The following STMN2 variants were observed in gnomAD, a reference collection of about 807,000 sequenced individuals.
The protein encoded by STMN2 is stathmin 2, also known as stathmin-2.
STMN2 carries 2 observed loss-of-function variants against 24.1 expected under a neutral mutation model. That is an observed-to-expected ratio of 0.08 (90% CI 0.03 to 0.26). The LOEUF (loss-of-function observed/expected upper bound fraction) is 0.26, where lower values mean the gene tolerates loss of function less well. Among genes scored for constraint, STMN2 ranks in the 10% least tolerant of loss-of-function variants. STMN2 has a pLI of 1.00. For missense variants in STMN2, 114 were observed against 213.6 expected, an observed-to-expected ratio of 0.53 and a Z score of 2.91; for synonymous variants, 83 against 77.5, an observed-to-expected ratio of 1.07 and a Z score of -0.37.
chr8:79,624,310 C>T (rs1809592464), intron 1 of STMN2, among the ~76,000 whole-genome samples: 1 of 151,510 alleles, frequency 6.6e-6, no homozygotes, highest in African/African-American at 2.4e-5. Context: ...AAAAATTAGC[C>T]GGGTGTGGTG....
chr8:79,638,145 C>T (rs956677086), intron 2 of STMN2, among the ~76,000 whole-genome samples: 4 of 152,190 alleles, frequency 2.6e-5, no homozygotes, highest in Non-Finnish European at 5.9e-5. Context: ...AGACTAATGT[C>T]GAACTATGGG....
intron 3 of STMN2, among the ~76,000 whole-genome samples, chr8:79,652,291 C>G (rs1043547885): frequency 3.9e-5 from 6 of 152,164 alleles, no homozygotes; most frequent in African/African-American, 1.4e-4. Flanking sequence ...TGTGATAATC[C>G]AGCCTTCTTC....
At chr8:79,641,624 G>GCACA (rs1319315239) in intron 3 of STMN2, 74 bp downstream of exon 3, 39 of 476,284 alleles carry the variant, frequency 8.2e-5, no homozygotes, top group Middle Eastern at 6.5e-4. Context: ...GGGCACACAT[G>GCACA]CACGCACACA....
intron 1 of STMN2, among the ~76,000 whole-genome samples, chr8:79,623,714 G>A (rs960715692): frequency 7.9e-5 from 12 of 152,008 alleles, no homozygotes; most frequent in Admixed American, 1.3e-4. Flanking sequence ...TTATATGAAA[G>A]CACCATTACA....
At chr8:79,664,558 T>C (rs1260615358) in intron 4 of STMN2, among the ~76,000 whole-genome samples, 1 of 152,194 alleles carries the variant, frequency 6.6e-6, no homozygotes, top group Non-Finnish European at 1.5e-5. Context: ...ATCCTAATAT[T>C]CAAAACTATC....
At chr8:79,623,007 T>A (rs1260211802) in intron 1 of STMN2, among the ~76,000 whole-genome samples, 1 of 152,180 alleles carries the variant, frequency 6.6e-6, no homozygotes, top group African/African-American at 2.4e-5. Context: ...CCTGCTCTCC[T>A]GCTTCCACTT....
intron 2 of STMN2, among the ~76,000 whole-genome samples, chr8:79,640,437 A>G (rs1044393963): frequency 5.5e-5 from 7 of 127,308 alleles, no homozygotes; most frequent in African/African-American, 1.9e-4. Context: ...CAAAAATGAC[A>G]GGATTTCCCC....
chr8:79,641,498 T>C lies in STMN2; in HGVS notation c.236T>C (p.Leu79Pro). 1 of 1,614,022 alleles carries C rather than the reference T, an allele frequency of 6.2e-7. No individual in the cohort carries two copies. The highest frequency in any genetic ancestry group is 8.5e-7 in the Non-Finnish European group (1 of 1,179,982). ...RTLASPKKKD[L>P]SLEEIQKKLE... is the part of the protein sequence containing the mutation. Reference sequence around the variant, plus strand: ...TTAGCTTCTCCAAAGAAGAAAGACCTGTCCCTGGAGGAGATCCAGAAGAAA... The same window carrying C: ...TTAGCTTCTCCAAAGAAGAAAGACCCGTCCCTGGAGGAGATCCAGAAGAAA... The change falls in exon 3 of 5, where the codon CTG (leucine) becomes CCG (proline). Residue 79 changes from leucine to proline, a missense_variant. Coordinates refer to ENST00000220876, the MANE Select transcript of STMN2 (RefSeq NM_007029.4).
At chr8:79,650,661 T>G (rs1209909991) in intron 3 of STMN2, among the ~76,000 whole-genome samples, 1 of 152,226 alleles carries the variant, frequency 6.6e-6, no homozygotes, top group African/African-American at 2.4e-5. Context: ...TCTATCTGGA[T>G]GCTACACTGT....
intron 4 of STMN2, among the ~76,000 whole-genome samples, chr8:79,656,893 A>ATTTTTTTTTTTTT (rs1806385362): frequency 8.0e-6 from 1 of 125,382 alleles, no homozygotes; most frequent in Non-Finnish European, 2.0e-5. Context: ...TGTTTTTTTG[A>ATTTTTTTTTTTTT]GATAGAGTCT....
intron 4 of STMN2, among the ~76,000 whole-genome samples, 171 bp downstream of exon 4, chr8:79,655,233 A>G (rs1189882327): frequency 1.3e-5 from 2 of 152,168 alleles, no homozygotes; most frequent in Admixed American, 1.3e-4. Context: ...AGGAGGTGCA[A>G]CATGGTAGAG....
intron 2 of STMN2, among the ~76,000 whole-genome samples, chr8:79,639,181 G>T (rs1288508817): frequency 1.3e-5 from 2 of 152,134 alleles, no homozygotes; most frequent in African/African-American, 4.8e-5. Flanking sequence ...CTGCTGGCTT[G>T]GTTGCCACAA....
At chr8:79,663,708 C>T in intron 4 of STMN2, 1 of 1,388,938 alleles carries the variant, frequency 7.2e-7, no homozygotes, top group South Asian at 1.4e-5. Context: ...TAATAATTAG[C>T]ATCTTAAAAT....
chr8:79,630,274 T>G (rs916317853), intron 1 of STMN2, among the ~76,000 whole-genome samples: 1 of 152,226 alleles, frequency 6.6e-6, no homozygotes. Flanking sequence ...GAATTTTTTT[T>G]TTATTTTGCA....
chr8:79,646,310 G>C (rs1248964077), intron 3 of STMN2, among the ~76,000 whole-genome samples: 3 of 151,890 alleles, frequency 2.0e-5, no homozygotes, highest in Non-Finnish European at 4.4e-5. Flanking sequence ...CATTCCAGTG[G>C]GGGAGAAAGA....
intron 1 of STMN2, among the ~76,000 whole-genome samples, chr8:79,616,840 C>T (rs1034864135): frequency 6.6e-6 from 1 of 151,926 alleles, no homozygotes; most frequent in African/African-American, 2.4e-5. Context: ...AGAAGACCTT[C>T]GAGAGAAAGG....
intron 4 of STMN2, among the ~76,000 whole-genome samples, chr8:79,658,989 C>T (rs1038203907): frequency 3.3e-5 from 5 of 152,162 alleles, no homozygotes; most frequent in African/African-American, 9.7e-5. Context: ...AATATTTAGC[C>T]GTGGTTGAGA....
intron 3 of STMN2, among the ~76,000 whole-genome samples, chr8:79,644,352 T>C (rs1277225569): frequency 6.6e-6 from 1 of 152,210 alleles, no homozygotes; most frequent in Non-Finnish European, 1.5e-5. Context: ...AAAGTTTAAT[T>C]TCAATAGTCA....
rs115619897 is a variant in STMN2 at position 79,621,191 on chromosome 8, C to T, written c.19+9977C>T. Reference sequence around the variant, plus strand: ...GTCAGGTCAATTTTCCTGTTTGTTCCTCTAATTCAGCATCTGTAAAATAGC... The same window carrying T: ...GTCAGGTCAATTTTCCTGTTTGTTCTTCTAATTCAGCATCTGTAAAATAGC... On this transcript the variant is annotated intron_variant, in intron 1 of 4. Transcript: ENST00000220876. 3.2e-3 allele frequency among the ~76,000 whole-genome samples: 492 copies of T among 152,274 alleles called. 1 individual carries two copies. Among genetic ancestry groups the T allele is most frequent in the African/African-American group, 0.01 (420 of 41,550 alleles).
Sources: allele counts gnomAD v4.1 joint callset (sites outside exome capture counted in the v4.1 genomes callset), GRCh38; gene constraint gnomAD v4.1.1; transcripts MANE v1.5; gene names NCBI Gene and HGNC (gene_info 2026-07-23, HGNC 2026-07-21).